Variants in MYO3B observed in about 807,000 individuals in gnomAD.
MYO3B encodes myosin-IIIb.
A neutral mutation model predicts 174.6 loss-of-function variants in MYO3B; 156 were observed. That is an observed-to-expected ratio of 0.89 (90% CI 0.78 to 1.02). MYO3B has a LOEUF of 1.02. MYO3B is among the 50% of genes least tolerant of loss of function. The probability of loss-of-function intolerance (pLI) is 0.00; values close to 1 mark genes in which losing one functional copy is unlikely to be tolerated. For synonymous variants in MYO3B, 563 were observed against 569.1 expected (o/e 0.99, Z 0.15); for missense variants, 1,632 against 1,639.4 (o/e 1.00, Z 0.08).
intron 3 of MYO3B, among the ~76,000 whole-genome samples, chr2:170,212,211 C>G (rs1380065875): frequency 6.6e-6 from 1 of 150,662 alleles, no homozygotes; most frequent in African/African-American, 2.4e-5. Context: ...CCACTGCACT[C>G]CAGCCTGGGC....
chr2:170,193,755 A>G (rs954453097), intron 1 of MYO3B, among the ~76,000 whole-genome samples: 1 of 152,140 alleles, frequency 6.6e-6, no homozygotes, highest in East Asian at 1.9e-4. Flanking sequence ...TCTATTGCCT[A>G]CTTACTGAAA....
intron 23 of MYO3B, among the ~76,000 whole-genome samples, chr2:170,445,236 T>A (rs2094831889): frequency 6.6e-6 from 1 of 152,198 alleles, no homozygotes; most frequent in African/African-American, 2.4e-5. Context: ...TCACAATCAA[T>A]AGCACTGTAA....
At position 170,329,418 on chromosome 2, in the gene MYO3B, G is replaced by C. The variant is rs953690893; in HGVS notation, c.750-5967G>C. On this transcript the variant is annotated intron_variant, in intron 7 of 34. Coordinates refer to ENST00000408978, the MANE Select transcript of MYO3B (RefSeq NM_138995.5). ...ACTATTGGGGATTTTTTTTTTCTCT[G>C]TCGCCAGGCTGGAGTGGAGTGATGC... 2.7e-5 allele frequency among the ~76,000 whole-genome samples: 4 copies of C among 150,578 alleles called. No homozygotes were observed. The East Asian group carries it at 7.7e-4, about 29-fold the overall frequency.
chr2:170,574,055 AAAC>A (rs1692632372), intron 32 of MYO3B, among the ~76,000 whole-genome samples: 1 of 152,164 alleles, frequency 6.6e-6, no homozygotes, highest in African/African-American at 2.4e-5. Flanking sequence ...AGCTCAAAGG[AAAC>A]AAAGAAGGCT....
chr2:170,628,141 A>G (rs1449283152), intron 32 of MYO3B, among the ~76,000 whole-genome samples: 1 of 152,226 alleles, frequency 6.6e-6, no homozygotes, highest in Non-Finnish European at 1.5e-5. Flanking sequence ...ACCTGCCTCC[A>G]GAGATGGAGT....
chr2:170,458,352 A>C (rs1225133233), intron 23 of MYO3B, among the ~76,000 whole-genome samples: 1 of 152,214 alleles, frequency 6.6e-6, no homozygotes, highest in Non-Finnish European at 1.5e-5. Context: ...ACATGAGTGT[A>C]ACAGGTGCAT....
At chr2:170,456,470 G>A (rs1683916317) in intron 23 of MYO3B, among the ~76,000 whole-genome samples, 1 of 152,164 alleles carries the variant, frequency 6.6e-6, no homozygotes, top group Non-Finnish European at 1.5e-5. Flanking sequence ...GGGGTTGGGG[G>A]TATCAGAGAG....
intron 30 of MYO3B, among the ~76,000 whole-genome samples, chr2:170,534,478 C>CTG (rs1468983994): frequency 2.6e-5 from 4 of 152,154 alleles, no homozygotes; most frequent in African/African-American, 9.7e-5. Flanking sequence ...CAGGGCCTCA[C>CTG]TCTGTCACCC....
chr2:170,580,747 T>C (rs944745485), intron 32 of MYO3B, among the ~76,000 whole-genome samples: 2 of 151,486 alleles, frequency 1.3e-5, no homozygotes, highest in African/African-American at 4.9e-5. Context: ...TGTGTGTGTG[T>C]GTGTGTGTGT....
At chr2:170,568,488 C>A (rs908476205) in intron 32 of MYO3B, among the ~76,000 whole-genome samples, 5 of 152,264 alleles carry the variant, frequency 3.3e-5, no homozygotes, top group Middle Eastern at 3.4e-3. Context: ...ATATTGTTTC[C>A]ACACAGATGG....
chr2:170,580,131 T>C (rs1338521480), intron 32 of MYO3B, among the ~76,000 whole-genome samples: 1 of 152,176 alleles, frequency 6.6e-6, no homozygotes, highest in East Asian at 1.9e-4. Flanking sequence ...AGCTAATGAA[T>C]ATAAGAAAAA....
intron 32 of MYO3B, among the ~76,000 whole-genome samples, chr2:170,625,281 T>C (rs546866069): frequency 6.6e-6 from 1 of 152,230 alleles, no homozygotes; most frequent in African/African-American, 2.4e-5. Flanking sequence ...AGCTTCTTCC[T>C]GGTTTAGTCT....
In MYO3B at chr2:170,424,531, C is replaced by T. The variant is rs536635880; in HGVS notation, c.2650+16687C>T. Among the ~76,000 whole-genome samples the T allele has an allele frequency of 9.2e-5, 14 of 152,112 alleles. No individual in the cohort carries two copies. The East Asian group carries it at 1.7e-3, about 19-fold the overall frequency. On this transcript the variant is annotated intron_variant, in intron 22 of 34. Transcript: ENST00000408978. ...ACTCGGGAGGCTGAGGCAGGAGAAT[C>T]GCTTGAACCAGGGAGGTGGAGGTTG...
chr2:170,399,597 A>G (rs2094462740), intron 16 of MYO3B, among the ~76,000 whole-genome samples: 1 of 152,126 alleles, frequency 6.6e-6, no homozygotes, highest in South Asian at 2.1e-4. Flanking sequence ...ATAACTATAT[A>G]TTCCATCATT....
intron 3 of MYO3B, among the ~76,000 whole-genome samples, chr2:170,208,544 T>G (rs1439820426): frequency 6.6e-6 from 1 of 152,216 alleles, no homozygotes; most frequent in Non-Finnish European, 1.5e-5. Flanking sequence ...ATCCAGGTTT[T>G]TACATCACCT....
Position 170,450,554 on chromosome 2 carries a change from C to T in MYO3B, c.2730+6508C>T, listed in dbSNP as rs146466824. On this transcript the variant is annotated intron_variant, in intron 23 of 34. Coordinates refer to ENST00000408978, the MANE Select transcript of MYO3B (RefSeq NM_138995.5). ...ATGAGGCCAGCTGAATCTGTCTCTT[C>T]TCTCTCCCCTCCCTTTTTTTTTTGT... is the stretch of plus-strand genomic sequence containing the variant. 4.3e-3 allele frequency among the ~76,000 whole-genome samples: 651 copies of T among 151,916 alleles called. 4 individuals are homozygous for T. The highest frequency in any genetic ancestry group is 0.015 in the African/African-American group (635 of 41,484).
chr2:170,619,822 C>T (rs577836773), intron 32 of MYO3B, among the ~76,000 whole-genome samples: 1 of 132,564 alleles, frequency 7.5e-6, no homozygotes, highest in East Asian at 2.4e-4. Context: ...TCTCAGCTCA[C>T]TGCAACCTCT....
chr2:170,369,444 T>C (rs2094223916), intron 9 of MYO3B, 67 bp downstream of exon 9: 1 of 1,534,592 alleles, frequency 6.5e-7, no homozygotes, highest in Non-Finnish European at 8.9e-7. Context: ...TGTGTTTTGA[T>C]TTGCCCAGCA....
intron 32 of MYO3B, among the ~76,000 whole-genome samples, chr2:170,556,393 A>G (rs1249869646): frequency 6.6e-6 from 1 of 152,216 alleles, no homozygotes; most frequent in Admixed American, 6.5e-5. Flanking sequence ...GAGTATGTTT[A>G]GCTTTGCAAG....
Sources: gnomAD v4.1 joint callset for allele counts (sites outside exome capture counted in the v4.1 genomes callset) on GRCh38, gnomAD v4.1.1 for gene constraint, MANE v1.5 for transcripts, NCBI Gene and HGNC (gene_info 2026-07-23, HGNC 2026-07-21) for gene names.